SIGLEC10: variants seen among roughly 807,000 people sequenced by gnomAD.
The protein encoded by SIGLEC10 is sialic acid-binding Ig-like lectin 10.
A neutral mutation model predicts 68.3 loss-of-function variants in SIGLEC10; 45 were observed. The ratio of observed to expected loss-of-function variants is 0.66; its 90% CI spans 0.52 to 0.84. The LOEUF is 0.84. SIGLEC10 is among the 40% of genes least tolerant of loss of function. The pLI is 0.00. For missense variants in SIGLEC10, 789 were observed against 883.1 expected (o/e 0.89, Z 1.35); for synonymous variants, 379 against 370.8 (o/e 1.02, Z -0.26).
rs1201499519 is a variant in SIGLEC10, at chr19:51,414,405, G to T, written c.1709+17C>A. ...GGGTCCAGGCCCCAGACCCCGCCAC[G>T]CCTCCTCTTAACCTACATGATCAGG... On this transcript the variant is annotated intron_variant, in intron 9 of 10. Transcript: ENST00000339313. This position sits in a 1 kb window ranked among gnomAD's most constrained non-coding sequence, Gnocchi z 4.1. 1 of 1,607,634 alleles carries T rather than the reference G, an allele frequency of 6.2e-7. No homozygotes were observed.
Position 51,417,193 on chromosome 19 carries a change from C to G in SIGLEC10, c.310G>C (p.Val104Leu). Residue 104 changes from valine to leucine, a missense_variant, in exon 2 of 11, where the codon GTG becomes CTG. Val to Leu is a conservative substitution (Grantham distance 32, BLOSUM62 1). Coordinates refer to ENST00000339313, the MANE Select transcript of SIGLEC10 (RefSeq NM_033130.5). Reference protein sequence around the residue: ...GDPAKGNCSLVIRDAQMQDES... With the variant: ...GDPAKGNCSLLIRDAQMQDES... ...TCCTGCATCTGCGCGTCTCTGATCA[C>G]CAAGGAGCAGTTCCCCTTGGCGGGA... 1.2e-6 allele frequency: 2 copies of G among 1,614,242 alleles called. No individual in the cohort carries two copies. The highest frequency in any genetic ancestry group is 4.5e-5 in the East Asian group (2 of 44,884).
chr19:51,413,609 C>A (rs1188481186), intron 10 of SIGLEC10, 103 bp downstream of exon 10: 2 of 1,025,404 alleles, frequency 2.0e-6, no homozygotes, highest in Non-Finnish European at 3.0e-6. Context: ...ACTATCGGTG[C>A]TTTTCCCACC....
In SIGLEC10 at chr19:51,413,829, G is replaced by C. The variant is rs1283332743; in HGVS notation, c.1710-6C>G. On this transcript the variant is annotated splice_region_variant and splice_polypyrimidine_tract_variant and intron_variant, in intron 9 of 10. Transcript: ENST00000339313. Reference sequence around the variant, plus strand: ...TCTTCGGTAGAATCTTCATGCTGAGGAAATGAACCCACCTGTTTGTGCCCT... The same window carrying C: ...TCTTCGGTAGAATCTTCATGCTGAGCAAATGAACCCACCTGTTTGTGCCCT... The C allele has an allele frequency of 3.1e-6, 5 of 1,612,704 alleles. No individual in the cohort carries two copies. Among genetic ancestry groups the C allele is most frequent in the South Asian group, 2.2e-5 (2 of 91,048 alleles).
Position 51,414,364 on chromosome 19 carries a change from C to T in SIGLEC10, c.1709+58G>A. ...CGACCTTCACTCTTTCGGCCTGCAACACCTCCCCTCTTCCTGGGTCCAGGC... is the reference window on the plus strand; with the variant it reads ...CGACCTTCACTCTTTCGGCCTGCAATACCTCCCCTCTTCCTGGGTCCAGGC... On this transcript the variant is annotated intron_variant, in intron 9 of 10. Coordinates refer to ENST00000339313, the MANE Select transcript of SIGLEC10 (RefSeq NM_033130.5). This position sits in a 1 kb window ranked among gnomAD's most constrained non-coding sequence, Gnocchi z 4.1. 1 of 1,466,372 alleles carries T rather than the reference C, an allele frequency of 6.8e-7. No homozygotes were observed. The highest frequency in any genetic ancestry group is 9.5e-7 in the Non-Finnish European group (1 of 1,054,734). The allele number at this position is 1,466,372 out of a possible 1,614,324, so 90.8% of individuals were successfully genotyped here.
rs1218962801 is a variant in SIGLEC10 at position 51,416,841 on chromosome 19, A to G, written c.531T>C (p.Ser177=). 1.2e-6 allele frequency: 2 copies of G among 1,614,152 alleles called. No individual in the cohort carries two copies. The highest frequency in any genetic ancestry group is 1.7e-5 in the Admixed American group (1 of 60,016). ...NWAFEECPPP[S]FSWTGAALSS... is the part of the protein sequence containing the mutation. ...AGAGGGCAGCCCCCGTCCAGGAGAAAGAAGGGGGTGGACATTCCTCAAAGG... is the reference window on the plus strand; with the variant it reads ...AGAGGGCAGCCCCCGTCCAGGAGAAGGAAGGGGGTGGACATTCCTCAAAGG... Residue 177 remains serine, a synonymous_variant, in exon 3 of 11, where the codon TCT becomes TCC. Transcript: ENST00000339313.
chr19:51,416,096 A>G lies in SIGLEC10; in HGVS notation c.826T>C (p.Cys276Arg). 2 of 1,609,234 alleles carry G rather than the reference A, an allele frequency of 1.2e-6. No homozygotes were observed. The highest frequency in any genetic ancestry group is 1.7e-6 in the Non-Finnish European group (2 of 1,178,130). ...AQKGQFLRLL[C>R]AADSQPPATL... ...GCAGGGGGCTGGCTGTCAGCAGCAC[A>G]GAGGAGCCGCAGGAACTGGCCTTTT... The change falls in exon 5 of 11, where the codon TGT becomes CGT. Residue 276 changes from cysteine to arginine, a missense_variant. Cys to Arg is a radical substitution (Grantham distance 180). Transcript: ENST00000339313.
At chr19:51,413,300 C>T (rs1173144123) in intron 10 of SIGLEC10, among the ~76,000 whole-genome samples, 4 of 152,118 alleles carry the variant, frequency 2.6e-5, no homozygotes, top group African/African-American at 9.7e-5. Flanking sequence ...ACACTTGTTT[C>T]ATGACACAGT....
At position 51,414,657 on chromosome 19, in the gene SIGLEC10, C is replaced by G; in HGVS notation, c.1616-142G>C. ...TCTGTTTACTTTTAGGAAACCCTGC[C>G]ACACCCCGGCCCAGGTGTTAGGACT... On this transcript the variant is annotated intron_variant, in intron 8 of 10. Transcript: ENST00000339313. This position sits in a 1 kb window ranked among gnomAD's most constrained non-coding sequence, Gnocchi z 4.1. 1 of 1,369,214 alleles carries G rather than the reference C, an allele frequency of 7.3e-7. No individual in the cohort carries two copies. Among genetic ancestry groups the G allele is most frequent in the Non-Finnish European group, 1.0e-6 (1 of 971,482 alleles). 84.8% of individuals were successfully genotyped at this position (1,369,214 alleles called of 1,614,324 possible).
At position 51,414,593 on chromosome 19, in the gene SIGLEC10, G is replaced by A; in HGVS notation, c.1616-78C>T. The A allele has an allele frequency of 6.8e-7, 1 of 1,471,596 alleles. No individual in the cohort carries two copies. Among genetic ancestry groups the A allele is most frequent in the Non-Finnish European group, 9.4e-7 (1 of 1,060,256 alleles). 91.2% of individuals were successfully genotyped at this position (1,471,596 alleles called of 1,614,324 possible). On this transcript the variant is annotated intron_variant, in intron 8 of 10. Transcript: ENST00000339313. This position sits in a 1 kb window ranked among gnomAD's most constrained non-coding sequence, Gnocchi z 4.1. ...AGCCCGCTCATCACTCGGCATTAAG[G>A]CTTCCGGTTCCCATGGCGGACATTG...
rs1009279289 is a variant in SIGLEC10, at chr19:51,413,787, T to C, written c.1746A>G (p.Glu582=). Residue 582 remains glutamate, a synonymous_variant, in exon 10 of 11, where the codon GAA becomes GAG. Transcript: ENST00000339313. ...GCCGGGAGAACCTGGGCCTCGGGGT[T>C]TCTGTCTGAGTCCGTCTCTTCGGTA... ...KILPKRRTQT[E]TPRPRFSRHS... is the part of the protein sequence containing the mutation. 1 of 1,614,114 alleles carries C rather than the reference T, an allele frequency of 6.2e-7. No homozygotes were observed.
In SIGLEC10 at chr19:51,416,901, C is replaced by T. The variant is rs1243926143; in HGVS notation, c.471G>A (p.Gly157=). 5 of 1,613,980 alleles carry T rather than the reference C, an allele frequency of 3.1e-6. No homozygotes were observed. The highest frequency in any genetic ancestry group is 4.2e-6 in the Non-Finnish European group (5 of 1,179,994). The change falls in exon 3 of 11, where the codon GGG becomes GGA. Residue 157 remains glycine (G), a synonymous_variant. Transcript: ENST00000339313. ...ACACACAGATGACCGTCACCGGCTG[C>T]CCGGGCTCCAGGGTCTCGGGGATGT... The part of the protein sequence containing the change: ...DVYIPETLEP[G]QPVTVICVFN...
chr19:51,416,258 C>G lies in SIGLEC10; in HGVS notation c.754+52G>C, dbSNP rs1250575379. 1.9e-6 allele frequency: 3 copies of G among 1,613,660 alleles called. No individual in the cohort carries two copies. The Admixed American group carries it at 5.0e-5, about 27-fold the overall frequency. ...GAGCACATCCCCTCATCCCCTGAAG[C>G]CTTTTCATCTAAAGACAACTGGCCC... On this transcript the variant is annotated intron_variant, in intron 4 of 10. Transcript: ENST00000339313.
Position 51,414,207 on chromosome 19 carries a change from G to A in SIGLEC10, c.1709+215C>T, listed in dbSNP as rs144040699. 1.1e-3 allele frequency: 646 copies of A among 586,378 alleles called. 5 individuals are homozygous for A. The highest frequency in any genetic ancestry group is 0.011 in the African/African-American group (562 of 53,382). The allele number at this position is 586,378 out of a possible 1,614,324, so 36.3% of individuals were successfully genotyped here. A position where few individuals can be genotyped will look rare whatever the true frequency, so the allele number is the denominator to read the frequency against. On this transcript the variant is annotated intron_variant, in intron 9 of 10. Coordinates refer to ENST00000339313, the MANE Select transcript of SIGLEC10 (RefSeq NM_033130.5). This position sits in a 1 kb window ranked among gnomAD's most constrained non-coding sequence, Gnocchi z 4.1. Reference sequence around the variant, plus strand: ...TGTGCCTAATTACAAGAAACACTTCGCTTGGGGCGTGACTGCCCTCAGCAT... The same window carrying A: ...TGTGCCTAATTACAAGAAACACTTCACTTGGGGCGTGACTGCCCTCAGCAT...
At position 51,414,547 on chromosome 19, in the gene SIGLEC10, C is replaced by G; in HGVS notation, c.1616-32G>C. 6.2e-7 allele frequency: 1 copy of G among 1,602,676 alleles called. No homozygotes were observed. Among genetic ancestry groups the G allele is most frequent in the Non-Finnish European group, 8.5e-7 (1 of 1,171,086 alleles). On this transcript the variant is annotated intron_variant, in intron 8 of 10. Coordinates refer to ENST00000339313, the MANE Select transcript of SIGLEC10 (RefSeq NM_033130.5). This position sits in a 1 kb window ranked among gnomAD's most constrained non-coding sequence, Gnocchi z 4.1. The stretch of plus-strand genomic sequence containing the variant: ...ACGGAGAGGGCAAGGTGAGCATTTC[C>G]CATCCACGCAGGGCTCACGAAGCCC...
rs758831464 is a variant in SIGLEC10 at position 51,416,845 on chromosome 19, G to C, written c.527C>G (p.Pro176Arg). 2 of 1,614,192 alleles carry C rather than the reference G, an allele frequency of 1.2e-6. No individual in the cohort carries two copies. Among genetic ancestry groups the C allele is most frequent in the Admixed American group, 1.7e-5 (1 of 60,028 alleles). Residue 176 changes from proline (P) to arginine (R), a missense_variant, in exon 3 of 11, where the codon CCT (proline) becomes CGT (arginine). Physicochemically the swap from Pro to Arg is moderately radical, Grantham distance 103. Coordinates refer to ENST00000339313, the MANE Select transcript of SIGLEC10 (RefSeq NM_033130.5). Reference protein sequence around the residue: ...FNWAFEECPPPSFSWTGAALS... With the variant: ...FNWAFEECPPRSFSWTGAALS... ...GGCAGCCCCCGTCCAGGAGAAAGAA[G>C]GGGGTGGACATTCCTCAAAGGCCCA...
Position 51,415,383 on chromosome 19 carries a change from C to T in SIGLEC10, c.1128G>A (p.Leu376=), listed in dbSNP as rs576881154. ...TSLPVLEGQS[L]CLVCVTHSSP... ...TGCTGTGTGTGACACAGACCAGGCACAGGCTTTGGCCCTCCAGTACTGGGA... is the reference window on the plus strand; with the variant it reads ...TGCTGTGTGTGACACAGACCAGGCATAGGCTTTGGCCCTCCAGTACTGGGA... Residue 376 remains leucine (L), a synonymous_variant, in exon 7 of 11, where the codon CTG becomes CTA. Transcript: ENST00000339313. The T allele has an allele frequency of 1.2e-6, 2 of 1,611,072 alleles. No homozygotes were observed. The highest frequency in any genetic ancestry group is 2.2e-5 in the South Asian group (2 of 90,810).
Position 51,416,138 on chromosome 19 carries a change from G to C in SIGLEC10, c.784C>G (p.Pro262Ala). ...TGGCCTTTTTGGGCTTCCAGGTATG[G>C]GACATTTCCCTGGGGCTGGGGCTCC... ...ALEPQPQGNV[P>A]YLEAQKGQFL... The change falls in exon 5 of 11, where the codon CCA becomes GCA. Residue 262 changes from proline (P) to alanine (A), a missense_variant. Pro to Ala is a conservative substitution (Grantham distance 27). Coordinates refer to ENST00000339313, the MANE Select transcript of SIGLEC10 (RefSeq NM_033130.5). The C allele has an allele frequency of 6.2e-7, 1 of 1,609,190 alleles. No homozygotes were observed. The highest frequency in any genetic ancestry group is 8.5e-7 in the Non-Finnish European group (1 of 1,177,646).
Position 51,410,886 on chromosome 19 carries a change from C to T in SIGLEC10, c.*213G>A, listed in dbSNP as rs1199458277. 9 of 502,040 alleles carry T rather than the reference C, an allele frequency of 1.8e-5. No homozygotes were observed. Among genetic ancestry groups the T allele is most frequent in the African/African-American group, 7.6e-5 (4 of 52,510 alleles). The allele number at this position is 502,040 out of a possible 1,614,324, so 31.1% of individuals were successfully genotyped here. Reference sequence around the variant, plus strand: ...CTGGTCTCGAACTCCCGACCTCAGGCGATCTGCCCACCTCAACCTCCCAAA... The same window carrying T: ...CTGGTCTCGAACTCCCGACCTCAGGTGATCTGCCCACCTCAACCTCCCAAA... On this transcript the variant is annotated 3_prime_UTR_variant, in exon 11 of 11. Coordinates refer to ENST00000339313, the MANE Select transcript of SIGLEC10 (RefSeq NM_033130.5).
chr19:51,413,416 G>C (rs115094421), intron 10 of SIGLEC10, among the ~76,000 whole-genome samples: 1,648 of 152,284 alleles, frequency 0.011, 26 homozygotes, highest in African/African-American at 0.038. Context: ...AAGCAGTTAA[G>C]TGTAGTCATG....
Sources: allele counts gnomAD v4.1 joint callset (sites outside exome capture counted in the v4.1 genomes callset), GRCh38; gene constraint gnomAD v4.1.1; non-coding constraint Gnocchi (gnomAD v3.1); transcripts MANE v1.5; gene names NCBI Gene and HGNC (gene_info 2026-07-23, HGNC 2026-07-21).